JAZF1: variants seen among roughly 807,000 people sequenced by gnomAD.
JAZF1 encodes juxtaposed with another zinc finger protein 1.
Under a neutral mutation model 26.4 loss-of-function variants are expected in JAZF1, and 8 were observed. The ratio of observed to expected loss-of-function variants is 0.30; its 90% CI spans 0.18 to 0.55. The LOEUF (loss-of-function observed/expected upper bound fraction) is 0.55. Among genes scored for constraint, JAZF1 ranks in the 20% least tolerant of loss-of-function variants. JAZF1 has a pLI of 0.94. For missense variants in JAZF1, 199 were observed against 322.0 expected, an observed-to-expected ratio of 0.62 and a Z score of 2.92; for synonymous variants, 126 against 122.3, an observed-to-expected ratio of 1.03 and a Z score of -0.20.
intron 1 of JAZF1, among the ~76,000 whole-genome samples, chr7:27,994,248 C>T (rs1258356652): frequency 6.6e-6 from 1 of 152,130 alleles, no homozygotes; most frequent in African/African-American, 2.4e-5. Flanking sequence ...ACACAAACTG[C>T]ATCTTGTAAT....
intron 2 of JAZF1, among the ~76,000 whole-genome samples, chr7:27,899,582 GC>G (rs977932381): frequency 3.3e-5 from 5 of 151,708 alleles, no homozygotes; most frequent in Non-Finnish European, 5.9e-5. Context: ...CTACAGGCAC[GC>G]CCCCCCATGC....
chr7:28,114,373 G>C (rs1002706733), intron 1 of JAZF1, among the ~76,000 whole-genome samples: 2 of 151,916 alleles, frequency 1.3e-5, no homozygotes, highest in African/African-American at 4.8e-5. Context: ...AGAACTCACT[G>C]CGGGTTTGGT....
At chr7:28,082,305 C>T (rs1784150086) in intron 1 of JAZF1, among the ~76,000 whole-genome samples, 1 of 152,146 alleles carries the variant, frequency 6.6e-6, no homozygotes, top group Admixed American at 6.5e-5. Context: ...TTGGCTTTCT[C>T]TGCAACATTT....
Position 28,049,451 on chromosome 7 carries a change from C to T in JAZF1, c.116-57470G>A, listed in dbSNP as rs183904328. Among the ~76,000 whole-genome samples, 793 of 152,222 alleles carry T rather than the reference C, an allele frequency of 5.2e-3. 4 individuals are homozygous for T. The highest frequency in any genetic ancestry group is 0.014 in the Middle Eastern group (4 of 294). Reference sequence around the variant, plus strand: ...TCCGACACCAGATGTGTGGGGTTTTCTCCCTTACACCAAGCAATTCTCTAA... The same window carrying T: ...TCCGACACCAGATGTGTGGGGTTTTTTCCCTTACACCAAGCAATTCTCTAA... On this transcript the variant is annotated intron_variant, in intron 1 of 4. Transcript: ENST00000283928.
chr7:28,087,787 G>A (rs969801129), intron 1 of JAZF1, among the ~76,000 whole-genome samples: 5 of 152,116 alleles, frequency 3.3e-5, no homozygotes, highest in African/African-American at 9.7e-5. Context: ...TATCAAAGAA[G>A]GAGCACCAAA....
intron 1 of JAZF1, among the ~76,000 whole-genome samples, chr7:28,003,920 T>G (rs1385715455): frequency 6.6e-6 from 1 of 151,900 alleles, no homozygotes; most frequent in East Asian, 1.9e-4. Flanking sequence ...AAGATGAAAA[T>G]AATCAATAAT....
intron 2 of JAZF1, among the ~76,000 whole-genome samples, chr7:27,942,245 T>C (rs975630141): frequency 6.6e-6 from 1 of 152,364 alleles, no homozygotes; most frequent in East Asian, 1.9e-4. Flanking sequence ...CACAATGTCT[T>C]ATGCGCAGCC....
chr7:27,898,954 C>T, intron 2 of JAZF1, among the ~76,000 whole-genome samples: 1 of 152,226 alleles, frequency 6.6e-6, no homozygotes, highest in Non-Finnish European at 1.5e-5. Context: ...TACACACACA[C>T]ACCCACACCA....
In JAZF1 at chr7:28,180,466, T is replaced by A; in HGVS notation, c.112A>T (p.Ile38Phe). The A allele has an allele frequency of 6.3e-7, 1 of 1,596,314 alleles. No homozygotes were observed. Among genetic ancestry groups the A allele is most frequent in the Non-Finnish European group, 8.6e-7 (1 of 1,169,214 alleles). Reference protein sequence around the residue: ...DLIEHIEDNHIDTDPRVLEKQ... With the variant: ...DLIEHIEDNHFDTDPRVLEKQ... Reference sequence around the variant, plus strand: ...CGCCCACCCCCGGGCCATTTACCGATGTGGTTGTCCTCGATGTGCTCGATG... The same window carrying A: ...CGCCCACCCCCGGGCCATTTACCGAAGTGGTTGTCCTCGATGTGCTCGATG... Residue 38 changes from isoleucine to phenylalanine, a missense_variant, in exon 1 of 5, where the codon ATC becomes TTC. By Grantham distance (21) the Ile-to-Phe change is conservative. Around this residue, in one of 2 missense-constraint regions of JAZF1, gnomAD observed 137 missense variants for 184.8 expected, o/e 0.74. Coordinates refer to ENST00000283928, the MANE Select transcript of JAZF1 (RefSeq NM_175061.4).
chr7:27,925,320 A>G (rs1784589392), intron 2 of JAZF1, among the ~76,000 whole-genome samples: 1 of 152,364 alleles, frequency 6.6e-6, no homozygotes, highest in South Asian at 2.1e-4. Flanking sequence ...TTTGAAGGCC[A>G]TGCCAAAAAA....
chr7:27,910,692 C>T (rs1471215536), intron 2 of JAZF1, among the ~76,000 whole-genome samples: 1 of 152,156 alleles, frequency 6.6e-6, no homozygotes, highest in South Asian at 2.1e-4. Flanking sequence ...ACCAGGCAAA[C>T]CCTCTTTAAA....
At chr7:27,903,612 C>T (rs747175749) in intron 2 of JAZF1, among the ~76,000 whole-genome samples, 29 of 152,320 alleles carry the variant, frequency 1.9e-4, no homozygotes, top group African/African-American at 3.4e-4. Flanking sequence ...TTAGACAACA[C>T]GCTGGGGCCC....
chr7:27,991,190 G>C (rs186693956), intron 2 of JAZF1, among the ~76,000 whole-genome samples: 2 of 152,158 alleles, frequency 1.3e-5, no homozygotes, highest in African/African-American at 4.8e-5. Flanking sequence ...TTCATTCCCT[G>C]AATTATGAGC....
chr7:27,893,666 T>C (rs1784012537), intron 3 of JAZF1, among the ~76,000 whole-genome samples: 1 of 152,222 alleles, frequency 6.6e-6, no homozygotes, highest in Non-Finnish European at 1.5e-5. Context: ...ATATAGCACT[T>C]GTCATGATTA....
intron 1 of JAZF1, among the ~76,000 whole-genome samples, chr7:27,999,594 T>C (rs925228142): frequency 2.0e-5 from 3 of 152,194 alleles, no homozygotes; most frequent in Non-Finnish European, 4.4e-5. Context: ...GCCCATATAG[T>C]ACTTTCAGCA....
intron 2 of JAZF1, among the ~76,000 whole-genome samples, chr7:27,935,580 T>C (rs1285313746): frequency 1.3e-5 from 2 of 152,070 alleles, no homozygotes; most frequent in African/African-American, 4.8e-5. Flanking sequence ...GTGTACGTGG[T>C]TTGAGAGATG....
chr7:28,001,000 G>C (rs2128367679), intron 1 of JAZF1, among the ~76,000 whole-genome samples: 1 of 152,232 alleles, frequency 6.6e-6, no homozygotes, highest in South Asian at 2.1e-4. Flanking sequence ...TAGTTGCTTA[G>C]GGGAAACTTT....
chr7:27,851,265 T>G (rs1478736407), intron 3 of JAZF1, among the ~76,000 whole-genome samples: 1 of 152,226 alleles, frequency 6.6e-6, no homozygotes, highest in Non-Finnish European at 1.5e-5. Flanking sequence ...TTCTAATACA[T>G]TTAAATATTG....
At chr7:28,017,931 G>A (rs1235991197) in intron 1 of JAZF1, among the ~76,000 whole-genome samples, 1 of 152,056 alleles carries the variant, frequency 6.6e-6, no homozygotes, top group African/African-American at 2.4e-5. Context: ...CTGCCACCAC[G>A]TCTGGCTAAT....
Sources: gnomAD v4.1 joint callset for allele counts (sites outside exome capture counted in the v4.1 genomes callset) on GRCh38, gnomAD v4.1.1 for gene constraint, gnomAD v4.1.1 regional missense constraint, MANE v1.5 for transcripts, NCBI Gene and HGNC (gene_info 2026-07-23, HGNC 2026-07-21) for gene names.